Variants in BMP6 observed in about 807,000 individuals in gnomAD.
The protein encoded by BMP6 is bone morphogenetic protein 6, also known as VG-1-R.
BMP6 carries 17 observed loss-of-function variants against 54.1 expected under a neutral mutation model. That is an observed-to-expected ratio of 0.31 (90% confidence interval 0.22 to 0.47). The LOEUF (loss-of-function observed/expected upper bound fraction) is 0.47. BMP6 is among the 20% of genes least tolerant of loss of function. The pLI is 1.00. For synonymous variants in BMP6, 328 were observed against 291.2 expected (o/e 1.13, Z -1.28); for missense variants, 720 against 690.4 (o/e 1.04, Z -0.48).
intron 1 of BMP6, among the ~76,000 whole-genome samples, chr6:7,835,571 G>A (rs1397100738): frequency 6.6e-6 from 1 of 152,182 alleles, no homozygotes; most frequent in African/African-American, 2.4e-5. Context: ...TTTTTCTCAA[G>A]TGTGAAAAAA....
chr6:7,735,130 C>G (rs118168182), intron 1 of BMP6, among the ~76,000 whole-genome samples: 1 of 152,244 alleles, frequency 6.6e-6, no homozygotes, highest in Non-Finnish European at 1.5e-5. Flanking sequence ...GGCAGAGCCC[C>G]GGAGCCCGCT....
chr6:7,732,006 A>T (rs2113103682), intron 1 of BMP6, among the ~76,000 whole-genome samples: 1 of 152,346 alleles, frequency 6.6e-6, no homozygotes, highest in South Asian at 2.1e-4. Flanking sequence ...AACTTGTGCT[A>T]AAAATACTGG....
At chr6:7,741,032 T>C (rs532673287) in intron 1 of BMP6, among the ~76,000 whole-genome samples, 24 of 152,238 alleles carry the variant, frequency 1.6e-4, no homozygotes, top group African/African-American at 4.8e-4. Flanking sequence ...ACCCTGTCCA[T>C]CTCTTCTACT....
chr6:7,863,610 C>T (rs1475228991), intron 4 of BMP6, among the ~76,000 whole-genome samples: 1 of 152,146 alleles, frequency 6.6e-6, no homozygotes, highest in Non-Finnish European at 1.5e-5. Context: ...ACTGTGTGCT[C>T]ACCCGGGAGC....
At chr6:7,774,447 G>T (rs1757834184) in intron 1 of BMP6, among the ~76,000 whole-genome samples, 1 of 152,260 alleles carries the variant, frequency 6.6e-6, no homozygotes. Context: ...CTACTCAGAA[G>T]GCTGAGGCAG....
chr6:7,774,152 A>G (rs952563537), intron 1 of BMP6, among the ~76,000 whole-genome samples: 1 of 152,340 alleles, frequency 6.6e-6, no homozygotes, highest in Non-Finnish European at 1.5e-5. Context: ...AGAGAGACAC[A>G]TGGAACTCAA....
At chr6:7,770,312 A>C (rs976839826) in intron 1 of BMP6, among the ~76,000 whole-genome samples, 1 of 152,236 alleles carries the variant, frequency 6.6e-6, no homozygotes, top group East Asian at 1.9e-4. Flanking sequence ...TACAGCTTAC[A>C]TCATTGTTAA....
chr6:7,777,221 G>A (rs1289932654), intron 1 of BMP6, among the ~76,000 whole-genome samples: 1 of 152,196 alleles, frequency 6.6e-6, no homozygotes, highest in Non-Finnish European at 1.5e-5. Context: ...GGAGGTCAGA[G>A]GTGCTGGCTG....
chr6:7,875,457 T>C (rs1167436439), intron 4 of BMP6, among the ~76,000 whole-genome samples: 1 of 152,118 alleles, frequency 6.6e-6, no homozygotes, highest in African/African-American at 2.4e-5. Context: ...GCAGGAGGCT[T>C]GCTTGAGGCT....
At chr6:7,731,763 G>A (rs1048987383) in intron 1 of BMP6, among the ~76,000 whole-genome samples, 1 of 152,176 alleles carries the variant, frequency 6.6e-6, no homozygotes. Context: ...GTAAATCATC[G>A]TGCTTTATTA....
chr6:7,818,791 T>C (rs1166500535), intron 1 of BMP6, among the ~76,000 whole-genome samples: 1 of 152,336 alleles, frequency 6.6e-6, no homozygotes, highest in East Asian at 1.9e-4. Flanking sequence ...ACACGCCTCA[T>C]GCCTAGGTCA....
At chr6:7,808,000 A>G (rs1272280179) in intron 1 of BMP6, among the ~76,000 whole-genome samples, 1 of 144,802 alleles carries the variant, frequency 6.9e-6, no homozygotes, top group Non-Finnish European at 1.5e-5. Context: ...AGCTCACTGC[A>G]ATCTCCACTT....
intron 1 of BMP6, among the ~76,000 whole-genome samples, chr6:7,770,611 G>A (rs142230208): frequency 1.4e-4 from 21 of 152,268 alleles, no homozygotes; most frequent in African/African-American, 3.9e-4. Context: ...TGATTTTATG[G>A]TATTACCCAC....
At chr6:7,813,601 C>T (rs1758474229) in intron 1 of BMP6, among the ~76,000 whole-genome samples, 1 of 139,468 alleles carries the variant, frequency 7.2e-6, no homozygotes, top group Non-Finnish European at 1.5e-5. Context: ...TGTGATCACA[C>T]CACTGCGCTC....
At chr6:7,771,670 G>A (rs956678107) in intron 1 of BMP6, among the ~76,000 whole-genome samples, 3 of 126,544 alleles carry the variant, frequency 2.4e-5, no homozygotes, top group Non-Finnish European at 5.3e-5. Flanking sequence ...GAAGACTTAG[G>A]CAGGGCATGG....
chr6:7,837,053 A>G (rs1758887007), intron 1 of BMP6, among the ~76,000 whole-genome samples: 1 of 152,238 alleles, frequency 6.6e-6, no homozygotes, highest in African/African-American at 2.4e-5. Context: ...TGTAGGATTT[A>G]TTGGGAATTA....
intron 1 of BMP6, among the ~76,000 whole-genome samples, chr6:7,764,955 A>G (rs1757664090): frequency 6.6e-6 from 1 of 152,110 alleles, no homozygotes; most frequent in Non-Finnish European, 1.5e-5. Flanking sequence ...CATTTATATA[A>G]TAGACATTTT....
At chr6:7,853,640 G>T (rs1260328637) in intron 2 of BMP6, among the ~76,000 whole-genome samples, 1 of 152,140 alleles carries the variant, frequency 6.6e-6, no homozygotes, top group African/African-American at 2.4e-5. Context: ...TTTTATCCCT[G>T]TGCCCAGCCA....
At position 7,727,630 on chromosome 6, in the gene BMP6, G is replaced by C; in HGVS notation, c.664+11G>C. The C allele has an allele frequency of 6.5e-7, 1 of 1,532,988 alleles. No homozygotes were observed. The highest frequency in any genetic ancestry group is 1.2e-5 in the South Asian group (1 of 81,020). The allele number at this position is 1,532,988 out of a possible 1,614,324, so 95.0% of individuals were successfully genotyped here. Reference sequence around the variant, plus strand: ...GCTTTGTGAACCTGGGTAAGGATTTGGGGTAACGTAATGACGAGAACATTT... The same window carrying C: ...GCTTTGTGAACCTGGGTAAGGATTTCGGGTAACGTAATGACGAGAACATTT... On this transcript the variant is annotated intron_variant, in intron 1 of 6. Transcript: ENST00000283147.
Sources: gnomAD v4.1 joint callset for allele counts (sites outside exome capture counted in the v4.1 genomes callset) on GRCh38, gnomAD v4.1.1 for gene constraint, MANE v1.5 for transcripts, NCBI Gene and HGNC (gene_info 2026-07-23, HGNC 2026-07-21) for gene names.